The following KIAA1328 variants were observed in gnomAD, a reference collection of about 807,000 sequenced individuals.
The protein encoded by KIAA1328 is KIAA1328.
Under a neutral mutation model 68.1 loss-of-function variants are expected in KIAA1328, and 52 were observed. The ratio of observed to expected loss-of-function variants is 0.76; its 90% CI spans 0.61 to 0.96. KIAA1328 has a LOEUF of 0.96. KIAA1328 is among the 40% of genes least tolerant of loss of function. The pLI is 0.00. For missense variants in KIAA1328, 641 were observed against 677.6 expected (o/e 0.95, Z 0.60); for synonymous variants, 232 against 239.4 (o/e 0.97, Z 0.28).
chr18:36,914,714 T>C (rs975281076), intron 5 of KIAA1328, among the ~76,000 whole-genome samples: 7 of 152,140 alleles, frequency 4.6e-5, no homozygotes, highest in Non-Finnish European at 8.8e-5. Context: ...AGGGAAACTC[T>C]GTCTCATTTA....
At chr18:37,071,325 A>T (rs1331396434) in intron 7 of KIAA1328, among the ~76,000 whole-genome samples, 1 of 151,316 alleles carries the variant, frequency 6.6e-6, no homozygotes, top group Non-Finnish European at 1.5e-5. Context: ...TGCCTACCTT[A>T]TCCTTCCAAA....
chr18:36,976,479 A>G (rs761768556), intron 6 of KIAA1328, among the ~76,000 whole-genome samples: 6 of 152,186 alleles, frequency 3.9e-5, no homozygotes, highest in African/African-American at 1.2e-4. Flanking sequence ...ACAGGTTACA[A>G]CAGTAGCCAC....
rs145719999 is a variant in KIAA1328, at chr18:36,971,239, G to A, written c.576+11804G>A. Among the ~76,000 whole-genome samples the A allele has an allele frequency of 4.2e-4, 64 of 152,272 alleles. 1 individual carries two copies. In the East Asian group the frequency reaches 0.012, roughly 28 times the overall value. ...TAAATGGTGTTTGGAAAACTATGTA[G>A]CCCTATGCAGAAAACTGAAACTGGA... is the stretch of plus-strand genomic sequence containing the variant. On this transcript the variant is annotated intron_variant, in intron 6 of 9. Transcript: ENST00000280020.
chr18:37,155,434 G>T (rs373272510), intron 7 of KIAA1328, among the ~76,000 whole-genome samples: 4 of 151,992 alleles, frequency 2.6e-5, no homozygotes, highest in Non-Finnish European at 4.4e-5. Context: ...CAAAATTCTG[G>T]CAGTCATTCT....
At chr18:37,086,365 A>G (rs1319155673) in intron 7 of KIAA1328, among the ~76,000 whole-genome samples, 2 of 152,210 alleles carry the variant, frequency 1.3e-5, no homozygotes, top group Non-Finnish European at 2.9e-5. Context: ...AGTGTTTACC[A>G]ATTACAATTT....
At position 37,166,887 on chromosome 18, in the gene KIAA1328, A is replaced by G. The variant is rs147303287; in HGVS notation, c.1415-6086A>G. ...ATGATCTAGAATAAATAGAAGATCT[A>G]AATAGACCTATATAACAAGTAAAAA... On this transcript the variant is annotated intron_variant, in intron 8 of 9. Coordinates refer to ENST00000280020, the MANE Select transcript of KIAA1328 (RefSeq NM_020776.3). Among the ~76,000 whole-genome samples the G allele has an allele frequency of 3.2e-3, 491 of 152,338 alleles. 9 individuals are homozygous for G. The highest frequency in any genetic ancestry group is 1.2e-3 in the Non-Finnish European group (85 of 68,028).
intron 6 of KIAA1328, among the ~76,000 whole-genome samples, chr18:36,999,258 A>G (rs1298482930): frequency 4.6e-5 from 7 of 152,186 alleles, no homozygotes; most frequent in African/African-American, 1.7e-4. Context: ...AGAAAGAACA[A>G]AGCCTTCAGG....
At chr18:37,032,888 A>T (rs1405340860) in intron 6 of KIAA1328, among the ~76,000 whole-genome samples, 2 of 151,954 alleles carry the variant, frequency 1.3e-5, no homozygotes. Context: ...CGATCCACCC[A>T]CCTCGGCCTC....
intron 6 of KIAA1328, among the ~76,000 whole-genome samples, chr18:37,025,346 T>C (rs1028105420): frequency 6.6e-6 from 1 of 152,162 alleles, no homozygotes; most frequent in African/African-American, 2.4e-5. Flanking sequence ...TATCCAGGAC[T>C]TGAACTCAGC....
chr18:37,010,958 T>G (rs1021720273), intron 6 of KIAA1328, among the ~76,000 whole-genome samples: 5 of 152,154 alleles, frequency 3.3e-5, no homozygotes, highest in Non-Finnish European at 7.4e-5. Flanking sequence ...GTGGTAAAAT[T>G]TTTTGGTTAT....
intron 6 of KIAA1328, among the ~76,000 whole-genome samples, chr18:37,038,011 GA>G (rs1254644746): frequency 1.3e-5 from 2 of 152,126 alleles, no homozygotes; most frequent in Non-Finnish European, 2.9e-5. Context: ...TGAGGCAGCA[GA>G]ATGGCGTGAA....
chr18:37,163,582 T>G (rs2059326981), intron 8 of KIAA1328, among the ~76,000 whole-genome samples: 4 of 152,160 alleles, frequency 2.6e-5, no homozygotes, highest in Admixed American at 6.5e-5. Flanking sequence ...AGATGATTAT[T>G]CTAGACTCAA....
At chr18:36,987,352 G>A (rs1175242218) in intron 6 of KIAA1328, among the ~76,000 whole-genome samples, 2 of 146,602 alleles carry the variant, frequency 1.4e-5, no homozygotes, top group African/African-American at 5.0e-5. Context: ...GGGGGATGGG[G>A]GAGGGGTAGC....
At chr18:36,923,588 A>C (rs998006332) in intron 5 of KIAA1328, among the ~76,000 whole-genome samples, 3 of 152,170 alleles carry the variant, frequency 2.0e-5, no homozygotes, top group Admixed American at 2.0e-4. Context: ...TCATTAAAGA[A>C]ATTGTATTTG....
intron 5 of KIAA1328, among the ~76,000 whole-genome samples, chr18:36,953,581 C>G (rs908727565): frequency 6.6e-5 from 10 of 151,864 alleles, no homozygotes; most frequent in African/African-American, 2.2e-4. Context: ...TGCCACTTGT[C>G]TCTGATACCT....
rs2057473701 is a variant in KIAA1328 at position 37,098,174 on chromosome 18, AG to A, written c.1232+30630del. ...GCCAGTTTTCAAAGGGAATGCTTCC[AG>A]TTTTTGCCCATTCAGTATGGTATTG... On this transcript the variant is annotated intron_variant, in intron 7 of 9. Coordinates refer to ENST00000280020, the MANE Select transcript of KIAA1328 (RefSeq NM_020776.3). Among the ~76,000 whole-genome samples, 4 of 152,194 alleles carry A rather than the reference AG, an allele frequency of 2.6e-5. No homozygotes were observed. In the South Asian group the frequency reaches 8.3e-4, roughly 32 times the overall value.
At chr18:36,883,971 C>A (rs866561470) in intron 4 of KIAA1328, among the ~76,000 whole-genome samples, 9 of 102,994 alleles carry the variant, frequency 8.7e-5, no homozygotes, top group East Asian at 2.4e-4. Flanking sequence ...TATATATATA[C>A]ACACACAGTG....
chr18:37,087,396 G>A (rs574631238), intron 7 of KIAA1328, among the ~76,000 whole-genome samples: 2 of 152,220 alleles, frequency 1.3e-5, no homozygotes, highest in South Asian at 4.1e-4. Flanking sequence ...CTTATTCTTA[G>A]AAAGGCCATT....
chr18:37,165,275 C>A (rs1325288799), intron 8 of KIAA1328, among the ~76,000 whole-genome samples: 2 of 152,112 alleles, frequency 1.3e-5, no homozygotes, highest in African/African-American at 2.4e-5. Flanking sequence ...CTTAGACCAT[C>A]TAGGGGTTTT....
Sources: gnomAD v4.1 joint callset for allele counts (sites outside exome capture counted in the v4.1 genomes callset) on GRCh38, gnomAD v4.1.1 for gene constraint, MANE v1.5 for transcripts, NCBI Gene and HGNC (gene_info 2026-07-23, HGNC 2026-07-21) for gene names.